DPP9: variants seen among roughly 807,000 people sequenced by gnomAD.
DPP9 encodes the protein dipeptidyl peptidase IV-related protein-2.
Under a neutral mutation model 110.7 loss-of-function variants are expected in DPP9, and 50 were observed. That is an observed-to-expected ratio of 0.45 (90% CI 0.36 to 0.57). DPP9 has a LOEUF of 0.57. Among genes scored for constraint, DPP9 ranks in the 20% least tolerant of loss-of-function variants. The pLI is 0.00. For synonymous variants in DPP9, 561 were observed against 514.4 expected, an observed-to-expected ratio of 1.09 and a Z score of -1.23; for missense variants, 1,022 against 1,217.9, an observed-to-expected ratio of 0.84 and a Z score of 2.39.
chr19:4,719,734 C>A, intron 3 of DPP9, 117 bp downstream of exon 3: 1 of 1,182,716 alleles, frequency 8.5e-7, no homozygotes. Flanking sequence ...GTCTTGGGGA[C>A]GTGCTGGGGA....
chr19:4,698,049 T>A lies in DPP9; in HGVS notation c.1075-398A>T, dbSNP rs2091946351. Among the ~76,000 whole-genome samples the A allele has an allele frequency of 6.6e-6, 1 of 151,842 alleles. No homozygotes were observed. The highest frequency in any genetic ancestry group is 1.5e-5 in the Non-Finnish European group (1 of 67,960). On this transcript the variant is annotated intron_variant, in intron 10 of 21. Coordinates refer to ENST00000262960, the MANE Select transcript of DPP9 (RefSeq NM_139159.5). This position sits in a 1 kb window ranked among gnomAD's most constrained non-coding sequence, Gnocchi z 4.2. ...GTAAGCCTCCCAGTCTGTGGTCCTT[T>A]GTCATGGCCCAAACAAATGACTACA...
chr19:4,679,288 G>A (rs1282288409), intron 21 of DPP9: 1 of 141,008 alleles, frequency 7.1e-6, no homozygotes, highest in Non-Finnish European at 1.5e-5. Context: ...CCACCCCTTA[G>A]CGCAGAAGCC....
In DPP9 at chr19:4,702,734, G is replaced by C; in HGVS notation, c.770-18C>G. On this transcript the variant is annotated intron_variant, in intron 7 of 21. Transcript: ENST00000262960. ...GGATAAACCTAGGGGGAGGGACGGAGAGCATCAACAAGGGGTGAGCAGCCT... is the reference window on the plus strand; with the variant it reads ...GGATAAACCTAGGGGGAGGGACGGACAGCATCAACAAGGGGTGAGCAGCCT... 6.5e-7 allele frequency: 1 copy of C among 1,536,996 alleles called. No homozygotes were observed. Among genetic ancestry groups the C allele is most frequent in the South Asian group, 1.2e-5 (1 of 84,598 alleles).
At position 4,714,134 on chromosome 19, in the gene DPP9, A is replaced by T; in HGVS notation, c.260T>A (p.Phe87Tyr). The change falls in exon 4 of 22, where the codon TTT (phenylalanine) becomes TAT (tyrosine). Residue 87 changes from phenylalanine (F) to tyrosine (Y), a missense_variant. Phe to Tyr is a conservative substitution (Grantham distance 22). Around this residue, in one of 3 missense-constraint regions of DPP9, gnomAD observed 810 missense variants for 920.6 expected, o/e 0.88. Transcript: ENST00000262960. ...IVNKAPHDFQ[F>Y]VQKTDESGPH... Reference sequence around the variant, plus strand: ...CCCAGACTCATCCGTCTTCTGCACAAACTGGAAGTCGTGGGGCGCCTTGTT... The same window carrying T: ...CCCAGACTCATCCGTCTTCTGCACATACTGGAAGTCGTGGGGCGCCTTGTT... 6.2e-7 allele frequency: 1 copy of T among 1,613,526 alleles called. No homozygotes were observed. Among genetic ancestry groups the T allele is most frequent in the Non-Finnish European group, 8.5e-7 (1 of 1,179,732 alleles).
chr19:4,716,961 G>A (rs918965226), intron 3 of DPP9, among the ~76,000 whole-genome samples: 2 of 152,198 alleles, frequency 1.3e-5, no homozygotes, highest in African/African-American at 2.4e-5. Context: ...AAGCCAAGGA[G>A]AGTAGAAGCC....
In DPP9 at chr19:4,683,095, G is replaced by C. The variant is rs533778517; in HGVS notation, c.2332-257C>G. ...CGCAGAGGGCCGGGTCCCACTGCCC[G>C]TCTGCCTCCTCCTCCTCCTCATCGC... On this transcript the variant is annotated intron_variant, in intron 19 of 21. Transcript: ENST00000262960. The C allele has an allele frequency of 2.7e-6, 4 of 1,484,704 alleles. No homozygotes were observed. In the Admixed American group the frequency reaches 8.3e-5, roughly 31 times the overall value. 92.0% of individuals were successfully genotyped at this position (1,484,704 alleles called of 1,614,324 possible).
At position 4,693,602 on chromosome 19, in the gene DPP9, G is replaced by T. The variant is rs1013092883; in HGVS notation, c.1516+1059C>A. Among the ~76,000 whole-genome samples the T allele has an allele frequency of 6.6e-6, 1 of 152,086 alleles. No homozygotes were observed. Among genetic ancestry groups the T allele is most frequent in the Non-Finnish European group, 1.5e-5 (1 of 68,002 alleles). ...AAACGGTGTGGGCTCAGCTGTCCAAGCACATCCAGAATCAGACCCACCAGG... is the reference window on the plus strand; with the variant it reads ...AAACGGTGTGGGCTCAGCTGTCCAATCACATCCAGAATCAGACCCACCAGG... On this transcript the variant is annotated intron_variant, in intron 13 of 21. Transcript: ENST00000262960. The surrounding 1 kb of genome is among the most constrained non-coding windows in gnomAD (Gnocchi z 5.0).
At chr19:4,706,773 G>A (rs773264970) in intron 4 of DPP9, among the ~76,000 whole-genome samples, 2 of 152,188 alleles carry the variant, frequency 1.3e-5, no homozygotes, top group South Asian at 2.1e-4. Flanking sequence ...CCGAGATTGC[G>A]CCACTGTAGT....
At position 4,689,720 on chromosome 19, in the gene DPP9, G is replaced by A. The variant is rs777088417; in HGVS notation, c.1599C>T (p.Ile533=). The change falls in exon 15 of 22, where the codon ATC becomes ATT. Residue 533 remains isoleucine, a splice_region_variant and synonymous_variant. Transcript: ENST00000262960. This position sits in a 1 kb window ranked among gnomAD's most constrained non-coding sequence, Gnocchi z 7.0. ...CCAGCTTGGTCTCCTCATTGACCCA[G>A]ATCTGCAGGGGGACAGGGGATCCTC... ...WEVLARHGSK[I]WVNEETKLVY... 29 of 1,547,312 alleles carry A rather than the reference G, an allele frequency of 1.9e-5. No homozygotes were observed. Among genetic ancestry groups the A allele is most frequent in the South Asian group, 9.5e-5 (8 of 83,836 alleles).
chr19:4,717,887 A>G (rs1213914002), intron 3 of DPP9: 3 of 152,248 alleles, frequency 2.0e-5, no homozygotes, highest in Non-Finnish European at 2.9e-5. Context: ...GCACCACCCT[A>G]TGCTGTGGCT....
chr19:4,683,666 TC>T (rs1295801478), intron 18 of DPP9, 37 bp from the exon 19 acceptor site: 1 of 1,612,894 alleles, frequency 6.2e-7, no homozygotes, highest in Non-Finnish European at 8.5e-7. Context: ...AGTGGCCTCC[TC>T]CCGGTATGTC....
chr19:4,684,994 G>T lies in DPP9; in HGVS notation c.2032-185C>A. ...CAAGGCGGGAGGGGCCCATACTCGGGACCCTGCTAGGGAGGGGGAAGGGCC... is the reference window on the plus strand; with the variant it reads ...CAAGGCGGGAGGGGCCCATACTCGGTACCCTGCTAGGGAGGGGGAAGGGCC... On this transcript the variant is annotated intron_variant, in intron 17 of 21. Transcript: ENST00000262960. This position sits in a 1 kb window ranked among gnomAD's most constrained non-coding sequence, Gnocchi z 4.8. 1.3e-6 allele frequency: 1 copy of T among 756,012 alleles called. No individual in the cohort carries two copies. The highest frequency in any genetic ancestry group is 2.3e-6 in the Non-Finnish European group (1 of 436,464). The allele number at this position is 756,012 out of a possible 1,614,324, so 46.8% of individuals were successfully genotyped here.
rs111343090 is a variant in DPP9 at position 4,684,813 on chromosome 19, T to C, written c.2032-4A>G. The C allele has an allele frequency of 1.9e-6, 3 of 1,588,420 alleles. No individual in the cohort carries two copies. In the South Asian group the frequency reaches 3.4e-5, roughly 18 times the overall value. On this transcript the variant is annotated splice_region_variant and splice_polypyrimidine_tract_variant and intron_variant, in intron 17 of 21. Transcript: ENST00000262960. This position sits in a 1 kb window ranked among gnomAD's most constrained non-coding sequence, Gnocchi z 4.8. ...AGGAGTTATTCACCAGCTGCACCTG[T>C]GGGGAGGTGAGGGCCAGCAGTCCAG...
At chr19:4,680,063 C>G in intron 20 of DPP9, 117 bp from the exon 21 acceptor site, 2 of 671,682 alleles carry the variant, frequency 3.0e-6, no homozygotes, top group Non-Finnish European at 5.2e-6. Flanking sequence ...AACCCTGTCT[C>G]TACTAAAAAT....
chr19:4,717,139 A>C (rs780240402), intron 3 of DPP9, among the ~76,000 whole-genome samples: 1 of 152,182 alleles, frequency 6.6e-6, no homozygotes, highest in Non-Finnish European at 1.5e-5. Flanking sequence ...CCATCCAGGC[A>C]GGGCCAGCGT....
chr19:4,687,484 C>G lies in DPP9; in HGVS notation c.1885+1273G>C, dbSNP rs1162022108. Among the ~76,000 whole-genome samples, 3 of 152,196 alleles carry G rather than the reference C, an allele frequency of 2.0e-5. No homozygotes were observed. The highest frequency in any genetic ancestry group is 7.2e-5 in the African/African-American group (3 of 41,442). Reference sequence around the variant, plus strand: ...GAGCCAGCACTGGAACCCGGAGTCACCAATGCAGGGTCCTGGCCAACTTCC... The same window carrying G: ...GAGCCAGCACTGGAACCCGGAGTCAGCAATGCAGGGTCCTGGCCAACTTCC... On this transcript the variant is annotated intron_variant, in intron 16 of 21. Transcript: ENST00000262960. This position sits in a 1 kb window ranked among gnomAD's most constrained non-coding sequence, Gnocchi z 4.7.
chr19:4,691,897 C>G (rs1166446167), intron 13 of DPP9, among the ~76,000 whole-genome samples: 1 of 151,812 alleles, frequency 6.6e-6, no homozygotes, highest in African/African-American at 2.4e-5. Context: ...AGGCTGGTCT[C>G]CAACTCCTGA....
intron 4 of DPP9, among the ~76,000 whole-genome samples, chr19:4,711,748 G>A (rs1434834957): frequency 3.5e-5 from 5 of 142,014 alleles, no homozygotes; most frequent in Non-Finnish European, 7.5e-5. Context: ...ACTCCAGCCT[G>A]GGTGACAGAG....
intron 3 of DPP9, 35 bp downstream of exon 3, chr19:4,719,816 T>C (rs767088559): frequency 1.8e-5 from 28 of 1,550,944 alleles, no homozygotes; most frequent in South Asian, 1.4e-4. Flanking sequence ...CTGGGCCACA[T>C]CCTCACGGAT....
Sources: allele counts gnomAD v4.1 joint callset (sites outside exome capture counted in the v4.1 genomes callset), GRCh38; gene constraint gnomAD v4.1.1; regional missense constraint gnomAD v4.1.1; non-coding constraint Gnocchi (gnomAD v3.1); transcripts MANE v1.5; gene names NCBI Gene and HGNC (gene_info 2026-07-23, HGNC 2026-07-21).